PTOV1: variants seen among roughly 807,000 people sequenced by gnomAD.
PTOV1 encodes the protein prostate tumor-overexpressed gene 1 protein.
A neutral mutation model predicts 58.0 loss-of-function variants in PTOV1; 20 were observed. The ratio of observed to expected loss-of-function variants is 0.34; its 90% CI spans 0.24 to 0.50. PTOV1 has a LOEUF of 0.50. Ranked by LOEUF, PTOV1 falls within the 20% of genes least tolerant of loss-of-function variation. PTOV1 has a pLI of 0.98. For missense variants in PTOV1, 593 were observed against 565.4 expected (o/e 1.05, Z -0.50); for synonymous variants, 335 against 234.2 (o/e 1.43, Z -3.93).
intron 10 of PTOV1, 175 bp downstream of exon 10, chr19:49,858,828 G>C: frequency 1.7e-6 from 1 of 593,408 alleles, no homozygotes; most frequent in Non-Finnish European, 3.0e-6. Flanking sequence ...CCACGGCACT[G>C]GATGGGGCAC....
intron 1 of PTOV1, 193 bp downstream of exon 1, chr19:49,851,692 G>T (rs2074254959): frequency 1.8e-6 from 2 of 1,126,484 alleles, no homozygotes; most frequent in Non-Finnish European, 1.1e-6. Flanking sequence ...TTTGTTGCGC[G>T]TTCGGGCCGG....
chr19:49,855,357 G>C, intron 5 of PTOV1: 1 of 487,350 alleles, frequency 2.1e-6, no homozygotes, highest in Non-Finnish European at 3.8e-6. Flanking sequence ...GGCCAGCCCT[G>C]TTGGGGCCCA....
At chr19:49,850,831 C>T, upstream of PTOV1, 6 of 1,533,964 alleles carry the variant, frequency 3.9e-6, no homozygotes, top group South Asian at 1.2e-5. Context: ...TCCCCTCTTC[C>T]CTGATGTATT....
intron 10 of PTOV1, 48 bp from the exon 11 acceptor site, chr19:49,859,938 C>T (rs769263632): frequency 1.3e-6 from 2 of 1,594,534 alleles, no homozygotes; most frequent in South Asian, 2.2e-5. Context: ...TGGAGGGATG[C>T]TGGTCCCTGT....
chr19:49,858,577 C>T (rs753354166), exon 10 of PTOV1: 13 of 1,604,376 alleles, frequency 8.1e-6, no homozygotes, highest in African/African-American at 2.7e-5. Context: ...TTCCGGAACT[C>T]GCGCCTGGTC....
exon 11 of PTOV1, chr19:49,860,025 A>G (rs1167300248): frequency 8.1e-6 from 13 of 1,614,064 alleles, no homozygotes; most frequent in Non-Finnish European, 1.1e-5. Flanking sequence ...ATCGTGTGAG[A>G]TCCGCGTGCT....
chr19:49,860,488 G>GGT, exon 12 of PTOV1: 2 of 751,576 alleles, frequency 2.7e-6, no homozygotes, highest in Non-Finnish European at 4.2e-6. Context: ...GGAAACTGCA[G>GGT]CCCAGCCTCA....
intron 10 of PTOV1, among the ~76,000 whole-genome samples, chr19:49,859,572 C>CAAAAAAAAA (rs113785990): frequency 7.8e-6 from 1 of 127,702 alleles, no homozygotes; most frequent in East Asian, 2.2e-4. Context: ...AACTCAGTCT[C>CAAAAAAAAA]AAAAAAAAAA....
chr19:49,851,907 GT>G, intron 1 of PTOV1: 1 of 982,826 alleles, frequency 1.0e-6, no homozygotes, highest in South Asian at 4.7e-5. Flanking sequence ...CCCGCGCTTT[GT>G]ACCAGCGCCC....
At chr19:49,855,682 C>T (rs2074432149) in intron 5 of PTOV1, 1 of 157,548 alleles carries the variant, frequency 6.3e-6, no homozygotes, top group African/African-American at 2.4e-5. Flanking sequence ...AGAGCGGCTT[C>T]CGCAGCACTC....
exon 1 of PTOV1, chr19:49,851,175 C>G (rs142535734): frequency 0.012 from 15,241 of 1,232,624 alleles, 100 homozygotes; most frequent in Non-Finnish European, 0.014. Flanking sequence ...TCGGCCGCGG[C>G]GACCCCACTC....
chr19:49,851,944 TCC>T (rs11333244), intron 1 of PTOV1: 1 of 985,324 alleles, frequency 1.0e-6, no homozygotes, highest in East Asian at 1.1e-4. Flanking sequence ...GTGGGCGTTC[TCC>T]CCTGGCGGCC....
chr19:49,860,335 T>G, exon 12 of PTOV1: 1 of 1,348,444 alleles, frequency 7.4e-7, no homozygotes, highest in Non-Finnish European at 9.8e-7. Flanking sequence ...CCGCAGAGAC[T>G]GGTGAGTGGT....
At chr19:49,851,989 C>T (rs2074271236) in intron 1 of PTOV1, 5 of 984,870 alleles carry the variant, frequency 5.1e-6, no homozygotes, top group African/African-American at 1.7e-5. Flanking sequence ...ACCTAGAATA[C>T]GCGCCCGCGC....
chr19:49,856,808 C>A, intron 5 of PTOV1, 167 bp from the exon 6 acceptor site: 2 of 782,830 alleles, frequency 2.6e-6, no homozygotes, highest in Non-Finnish European at 4.0e-6. Flanking sequence ...CCGATGGGCG[C>A]TGCACGGGCT....
intron 4 of PTOV1, 25 bp from the exon 5 acceptor site, chr19:49,854,945 C>T: frequency 1.2e-6 from 2 of 1,600,328 alleles, no homozygotes; most frequent in Admixed American, 3.4e-5. Context: ...CTGGCTGACC[C>T]AGCTGTCTGT....
intron 2 of PTOV1, 29 bp from the exon 3 acceptor site, chr19:49,854,623 G>A (rs756115404): frequency 6.2e-7 from 1 of 1,613,198 alleles, no homozygotes; most frequent in South Asian, 1.1e-5. Flanking sequence ...TCTAGGCTGT[G>A]CACAGTGACG....
intron 1 of PTOV1, 151 bp from the exon 2 acceptor site, chr19:49,854,255 G>A (rs1197496834): frequency 3.9e-6 from 4 of 1,015,726 alleles, no homozygotes; most frequent in East Asian, 4.8e-5. Flanking sequence ...GGGTCCTGAG[G>A]GGTGAGCAGA....
In PTOV1 at chr19:49,860,400, AAAG is replaced by A. The variant is rs1423317697; in HGVS notation, c.*125_*127del. 20 of 1,340,976 alleles carry A rather than the reference AAAG, an allele frequency of 1.5e-5. No homozygotes were observed. In the Middle Eastern group the frequency reaches 1.6e-3, roughly 108 times the overall value. 83.1% of individuals were successfully genotyped at this position (1,340,976 alleles called of 1,614,324 possible). A position where few individuals can be genotyped will look rare whatever the true frequency, so the allele number is the denominator to read the frequency against. On this transcript the variant is annotated 3_prime_UTR_variant, in exon 12 of 12. Transcript: ENST00000391842. ...GGCATGTGGGGGGGGTGGGGTTGGGAAAGAAGCAGGGCGACCTTGGCCTTGGGG... is the reference window on the plus strand; with the variant it reads ...GGCATGTGGGGGGGGTGGGGTTGGGAAAGCAGGGCGACCTTGGCCTTGGGG...
Sources: gnomAD v4.1 joint callset for allele counts (sites outside exome capture counted in the v4.1 genomes callset) on GRCh38, gnomAD v4.1.1 for gene constraint, MANE v1.5 for transcripts, NCBI Gene and HGNC (gene_info 2026-07-23, HGNC 2026-07-21) for gene names.